The following ZNF710 variants were observed in gnomAD, a reference collection of about 807,000 sequenced individuals.
ZNF710 encodes zinc finger protein 710.
Under a neutral mutation model 50.6 loss-of-function variants are expected in ZNF710, and 13 were observed. That is an observed-to-expected ratio of 0.26 (90% CI 0.17 to 0.41). The LOEUF (loss-of-function observed/expected upper bound fraction) is 0.41, where lower values mean the gene tolerates loss of function less well. Ranked by LOEUF, ZNF710 falls within the 10% of genes least tolerant of loss-of-function variation. The pLI, the probability that ZNF710 is intolerant of heterozygous loss-of-function variation, is 1.00. For missense variants in ZNF710, 721 were observed against 936.6 expected (o/e 0.77, Z 3.01); for synonymous variants, 383 against 397.0 (o/e 0.96, Z 0.42).
At chr15:90,051,650 T>A (rs1375947849) in intron 1 of ZNF710, among the ~76,000 whole-genome samples, 2 of 152,016 alleles carry the variant, frequency 1.3e-5, no homozygotes, top group African/African-American at 2.4e-5. Context: ...TAATAATAAT[T>A]AATTAATTAA....
In ZNF710 at chr15:90,067,069, G is replaced by A; in HGVS notation, c.-28-41G>A. On this transcript the variant is annotated intron_variant, in intron 1 of 4. Coordinates refer to ENST00000268154, the MANE Select transcript of ZNF710 (RefSeq NM_198526.4). This position sits in a 1 kb window ranked among gnomAD's most constrained non-coding sequence, Gnocchi z 8.1. Reference sequence around the variant, plus strand: ...CTGTGTCTGTTGTCTGTCTGTGCAGGAGTGAGCCAGCAATATTAACCTTCC... The same window carrying A: ...CTGTGTCTGTTGTCTGTCTGTGCAGAAGTGAGCCAGCAATATTAACCTTCC... 6.5e-7 allele frequency: 1 copy of A among 1,527,760 alleles called. No homozygotes were observed. The highest frequency in any genetic ancestry group is 1.4e-5 in the African/African-American group (1 of 72,302). The allele number at this position is 1,527,760 out of a possible 1,614,324, so 94.6% of individuals were successfully genotyped here. A position where few individuals can be genotyped will look rare whatever the true frequency, so the allele number is the denominator to read the frequency against.
intron 1 of ZNF710, among the ~76,000 whole-genome samples, chr15:90,064,880 G>A (rs1211147771): frequency 1.3e-5 from 2 of 152,082 alleles, no homozygotes; most frequent in Non-Finnish European, 2.9e-5. Context: ...CCCTTCCATG[G>A]GTGAGTGTTT....
At chr15:90,019,953 G>T (rs994702429) in intron 1 of ZNF710, among the ~76,000 whole-genome samples, 2 of 152,146 alleles carry the variant, frequency 1.3e-5, no homozygotes, top group South Asian at 2.1e-4. Flanking sequence ...GTGCTTATTG[G>T]GGGGCGGTGA....
intron 1 of ZNF710, among the ~76,000 whole-genome samples, chr15:90,054,671 T>G (rs2151511493): frequency 6.6e-6 from 1 of 152,358 alleles, no homozygotes; most frequent in African/African-American, 2.4e-5. Context: ...CTATTGTTAC[T>G]TCCTTTGATT....
At chr15:90,066,804 T>C (rs1900182651) in intron 1 of ZNF710, among the ~76,000 whole-genome samples, 1 of 152,072 alleles carries the variant, frequency 6.6e-6, no homozygotes, top group Non-Finnish European at 1.5e-5. Context: ...GAAGGACCTG[T>C]AGAACACAAT....
At chr15:90,023,353 A>G (rs749506165) in intron 1 of ZNF710, among the ~76,000 whole-genome samples, 1 of 152,200 alleles carries the variant, frequency 6.6e-6, no homozygotes, top group Non-Finnish European at 1.5e-5. Flanking sequence ...TCCTTGCACA[A>G]GTTCTTCTGC....
At chr15:90,061,904 G>A (rs915822245) in intron 1 of ZNF710, among the ~76,000 whole-genome samples, 3 of 152,212 alleles carry the variant, frequency 2.0e-5, no homozygotes, top group Admixed American at 6.5e-5. Context: ...AAAGCCGTAG[G>A]TGAAGTCACA....
At position 90,068,515 on chromosome 15, in the gene ZNF710, G is replaced by T. The variant is rs1021257964; in HGVS notation, c.1378G>T (p.Val460Leu). 1 of 1,613,406 alleles carries T rather than the reference G, an allele frequency of 6.2e-7. No individual in the cohort carries two copies. Among genetic ancestry groups the T allele is most frequent in the Non-Finnish European group, 8.5e-7 (1 of 1,180,034 alleles). The change falls in exon 2 of 5, where the codon GTG becomes TTG. Residue 460 changes from valine to leucine, a missense_variant. Coordinates refer to ENST00000268154, the MANE Select transcript of ZNF710 (RefSeq NM_198526.4). The surrounding 1 kb of genome is among the most constrained non-coding windows in gnomAD (Gnocchi z 5.0). Reference sequence around the variant, plus strand: ...GAACCACATGCTCAAGCACCAGAACGTGCGACCCTTCGTGTGCACTGAATG... The same window carrying T: ...GAACCACATGCTCAAGCACCAGAACTTGCGACCCTTCGTGTGCACTGAATG... ...LQNHMLKHQN[V>L]RPFVCTECGM...
In ZNF710 at chr15:90,026,263, C is replaced by A. The variant is rs1307039215; in HGVS notation, c.-29+24649C>A. ...GAGAAAAAAAACAAAACAACAACAACAACAACAAAAAAAAAAAAGGGAATG... is the reference window on the plus strand; with the variant it reads ...GAGAAAAAAAACAAAACAACAACAAAAACAACAAAAAAAAAAAAGGGAATG... On this transcript the variant is annotated intron_variant, in intron 1 of 4. Coordinates refer to ENST00000268154, the MANE Select transcript of ZNF710 (RefSeq NM_198526.4). Among the ~76,000 whole-genome samples, 599 of 100,464 alleles carry A rather than the reference C, an allele frequency of 6.0e-3. 7 individuals carry two copies. Among genetic ancestry groups the A allele is most frequent in the Admixed American group, 7.7e-3 (78 of 10,148 alleles). 65.9% of individuals were successfully genotyped at this position (100,464 alleles called of 152,430 possible). A position where few individuals can be genotyped will look rare whatever the true frequency, so the allele number is the denominator to read the frequency against.
chr15:90,073,101 G>C lies in ZNF710; in HGVS notation c.1489G>C (p.Gly497Arg). 6.2e-7 allele frequency: 1 copy of C among 1,614,116 alleles called. No individual in the cohort carries two copies. Among genetic ancestry groups the C allele is most frequent in the Non-Finnish European group, 8.5e-7 (1 of 1,180,026 alleles). The stretch of plus-strand genomic sequence containing the variant: ...GAAGGAGTTCAAGTGCGAGGTGTGT[G>C]GCCGGGAGTTCACCCTACAGGCGAA... ...GVKEFKCEVC[G>R]REFTLQANMK... The change falls in exon 3 of 5, where the codon GGC (glycine) becomes CGC (arginine). Residue 497 changes from glycine to arginine, a missense_variant. This residue lies in a region of ZNF710 where 326 missense variants were observed against 522.0 expected (regional missense o/e 0.62). Coordinates refer to ENST00000268154, the MANE Select transcript of ZNF710 (RefSeq NM_198526.4).
At chr15:90,004,083 G>A (rs1898080596) in intron 1 of ZNF710, among the ~76,000 whole-genome samples, 1 of 152,102 alleles carries the variant, frequency 6.6e-6, no homozygotes, top group African/African-American at 2.4e-5. Context: ...GTGGTCAGCG[G>A]GCCATTTTTC....
Position 90,079,802 on chromosome 15 carries a change from A to G in ZNF710, c.1968A>G (p.Lys656=). Residue 656 remains lysine (K), a synonymous_variant, in exon 5 of 5, where the codon AAA becomes AAG. Coordinates refer to ENST00000268154, the MANE Select transcript of ZNF710 (RefSeq NM_198526.4). ...EASVLTEQAM[K]EMAYYNVL The stretch of plus-strand genomic sequence containing the variant: ...GTGTCCTCACTGAACAGGCCATGAA[A>G]GAGATGGCCTACTACAATGTGCTAT... 6.2e-7 allele frequency: 1 copy of G among 1,608,348 alleles called. No individual in the cohort carries two copies.
chr15:90,025,303 G>A (rs927909262), intron 1 of ZNF710: 3 of 152,146 alleles, frequency 2.0e-5, no homozygotes, highest in Non-Finnish European at 4.4e-5. Context: ...TGGCCAGGGG[G>A]AGTTTTGCAG....
rs1171876114 is a variant in ZNF710, at chr15:90,034,694, C to T, written c.-28-32416C>T. 1.3e-5 allele frequency among the ~76,000 whole-genome samples: 2 copies of T among 152,178 alleles called. No homozygotes were observed. The highest frequency in any genetic ancestry group is 4.8e-5 in the African/African-American group (2 of 41,450). On this transcript the variant is annotated intron_variant, in intron 1 of 4. Transcript: ENST00000268154. The surrounding 1 kb of genome is among the most constrained non-coding windows in gnomAD (Gnocchi z 4.0). ...CGCCTGCTCTCCTGCTACCCTAGAGCCCAGGACACCCTTGCAGGCCTTCTG... is the reference window on the plus strand; with the variant it reads ...CGCCTGCTCTCCTGCTACCCTAGAGTCCAGGACACCCTTGCAGGCCTTCTG...
intron 4 of ZNF710, among the ~76,000 whole-genome samples, chr15:90,077,644 G>C (rs373329125): frequency 1.3e-5 from 2 of 152,118 alleles, no homozygotes; most frequent in Non-Finnish European, 2.9e-5. Flanking sequence ...ATAAGATATG[G>C]GTCAAGTGAC....
chr15:90,067,840 G>A lies in ZNF710; in HGVS notation c.703G>A (p.Glu235Lys), dbSNP rs766383879. 6.3e-6 allele frequency: 10 copies of A among 1,593,848 alleles called. No individual in the cohort carries two copies. The highest frequency in any genetic ancestry group is 2.2e-5 in the South Asian group (2 of 89,182). Residue 235 changes from glutamate (E) to lysine (K), a missense_variant, in exon 2 of 5, where the codon GAG (glutamate) becomes AAG (lysine). Physicochemically the swap from Glu to Lys is moderately conservative, Grantham distance 56 (BLOSUM62 1). Transcript: ENST00000268154. This position sits in a 1 kb window ranked among gnomAD's most constrained non-coding sequence, Gnocchi z 8.1. ...PLSDPEAPSMESPEPVKPEQG... is the reference protein window; with the variant it reads ...PLSDPEAPSMKSPEPVKPEQG... Reference sequence around the variant, plus strand: ...GAGTGACCCCGAGGCCCCCAGCATGGAGTCCCCGGAGCCTGTCAAGCCGGA... The same window carrying A: ...GAGTGACCCCGAGGCCCCCAGCATGAAGTCCCCGGAGCCTGTCAAGCCGGA...
At chr15:90,025,287 A>C (rs1898743975) in intron 1 of ZNF710, 1 of 151,690 alleles carries the variant, frequency 6.6e-6, no homozygotes, top group African/African-American at 2.4e-5. Context: ...GGCTTCCTTC[A>C]CTCTCTGGCC....
intron 4 of ZNF710, chr15:90,075,265 A>T (rs1343426271): frequency 6.6e-6 from 1 of 152,346 alleles, no homozygotes; most frequent in Non-Finnish European, 1.5e-5. Flanking sequence ...TCACACCTAT[A>T]ATCCTGGCAC....
At chr15:90,037,527 CTG>C (rs905648664) in intron 1 of ZNF710, among the ~76,000 whole-genome samples, 2 of 152,194 alleles carry the variant, frequency 1.3e-5, no homozygotes, top group African/African-American at 4.8e-5. Flanking sequence ...GAAGAGGAAA[CTG>C]AGTCTCAGTC....
Sources: gnomAD v4.1 joint callset for allele counts (sites outside exome capture counted in the v4.1 genomes callset) on GRCh38, gnomAD v4.1.1 for gene constraint, gnomAD v4.1.1 regional missense constraint, Gnocchi (gnomAD v3.1) non-coding constraint, MANE v1.5 for transcripts, NCBI Gene and HGNC (gene_info 2026-07-23, HGNC 2026-07-21) for gene names.